CECR2: variants seen among roughly 807,000 people sequenced by gnomAD.
CECR2 encodes the protein CECR2 histone acetyl-lysine reader.
In CECR2, 30 loss-of-function variants were observed where a neutral mutation model predicts 154.5. The observed-to-expected ratio is 0.19, with a 90% confidence interval of 0.15 to 0.26. The LOEUF (loss-of-function observed/expected upper bound fraction) is 0.26, where lower values mean the gene tolerates loss of function less well. Ranked by LOEUF, CECR2 falls within the 10% of genes least tolerant of loss-of-function variation. CECR2 has a pLI of 1.00. For missense variants in CECR2, 1,743 were observed against 1,829.3 expected (o/e 0.95, Z 0.86); for synonymous variants, 725 against 683.7 (o/e 1.06, Z -0.94).
rs774915476 is a variant in CECR2, at chr22:17,548,256, C to G, written c.2969C>G (p.Thr990Ser). The change falls in exon 17 of 19, where the codon ACC becomes AGC. Residue 990 changes from threonine to serine, a missense_variant. Around this residue, in one of 4 missense-constraint regions of CECR2, gnomAD observed 1,250 missense variants for 1,192.1 expected, o/e 1.05. Coordinates refer to ENST00000262608, the MANE Select transcript of CECR2 (RefSeq NM_001290047.2). ...ACACCTCCCCTGCAGACTGACTGCA[C>G]CAGGCAGAGCTCACCACAAGAAAGG... ...HPTPPLQTDC[T>S]RQSSPQERET... 1.2e-6 allele frequency: 2 copies of G among 1,604,552 alleles called. No homozygotes were observed. Among genetic ancestry groups the G allele is most frequent in the Non-Finnish European group, 8.5e-7 (1 of 1,175,534 alleles).
Position 17,541,973 on chromosome 22 carries a change from C to A in CECR2, c.2013+6C>A. 2 of 1,610,544 alleles carry A rather than the reference C, an allele frequency of 1.2e-6. No homozygotes were observed. Among genetic ancestry groups the A allele is most frequent in the Non-Finnish European group, 1.7e-6 (2 of 1,178,380 alleles). ...GTCAGCCTTTCACCATGCAGGTAAG[C>A]AGCCTACTCTGGAGGTGCAGGTGCA... On this transcript the variant is annotated splice_donor_region_variant and intron_variant, in intron 15 of 18. Coordinates refer to ENST00000262608, the MANE Select transcript of CECR2 (RefSeq NM_001290047.2).
intron 1 of CECR2, among the ~76,000 whole-genome samples, chr22:17,430,076 A>C (rs1008087771): frequency 2.6e-5 from 4 of 152,134 alleles, no homozygotes; most frequent in Admixed American, 6.5e-5. Flanking sequence ...GGTTGATGAT[A>C]GTTTTCCTTT....
chr22:17,444,175 G>A (rs1043126775), intron 1 of CECR2, among the ~76,000 whole-genome samples: 1 of 152,150 alleles, frequency 6.6e-6, no homozygotes, highest in Non-Finnish European at 1.5e-5. Context: ...TCAGGCCCTG[G>A]TGGTTTCTTT....
intron 1 of CECR2, among the ~76,000 whole-genome samples, chr22:17,445,781 T>C (rs932630779): frequency 1.3e-5 from 2 of 151,732 alleles, no homozygotes; most frequent in African/African-American, 2.4e-5. Context: ...TTAGTAGAGA[T>C]GGGGTTTTGC....
chr22:17,396,705 A>G (rs1338075192), intron 1 of CECR2, among the ~76,000 whole-genome samples: 2 of 152,242 alleles, frequency 1.3e-5, no homozygotes, highest in South Asian at 2.1e-4. Context: ...TGTTTAGAAC[A>G]TTCCTGGTAT....
intron 1 of CECR2, among the ~76,000 whole-genome samples, chr22:17,432,104 T>C (rs1270965729): frequency 2.9e-5 from 4 of 139,544 alleles, no homozygotes; most frequent in African/African-American, 1.1e-4. Flanking sequence ...AGCCCCACTT[T>C]GTGCCTGTAT....
chr22:17,462,392 T>G (rs370445798), intron 1 of CECR2, among the ~76,000 whole-genome samples: 19 of 151,958 alleles, frequency 1.3e-4, no homozygotes, highest in African/African-American at 4.6e-4. Flanking sequence ...ATAAAGATCT[T>G]AAGATAATAC....
chr22:17,394,846 G>GT (rs887141651), intron 1 of CECR2, among the ~76,000 whole-genome samples: 8 of 151,922 alleles, frequency 5.3e-5, no homozygotes, highest in Non-Finnish European at 8.8e-5. Flanking sequence ...CCAAGTATAG[G>GT]TTTTTTTGCT....
chr22:17,405,597 G>A (rs2053971153), intron 1 of CECR2, among the ~76,000 whole-genome samples: 1 of 136,644 alleles, frequency 7.3e-6, no homozygotes, highest in South Asian at 2.3e-4. Flanking sequence ...CCGAGATCGT[G>A]CCACTGCATT....
At chr22:17,426,409 T>G (rs1601337343) in intron 1 of CECR2, among the ~76,000 whole-genome samples, 2 of 152,254 alleles carry the variant, frequency 1.3e-5, no homozygotes, top group East Asian at 3.9e-4. Context: ...CAGGCTGGAG[T>G]GCAGTGGCGC....
At chr22:17,422,188 AGTTTT>A (rs561089947) in intron 1 of CECR2, among the ~76,000 whole-genome samples, 2 of 151,500 alleles carry the variant, frequency 1.3e-5, no homozygotes, top group East Asian at 1.9e-4. Flanking sequence ...TGCTTAGAGT[AGTTTT>A]GTTTTGTTTT....
intron 1 of CECR2, among the ~76,000 whole-genome samples, chr22:17,403,490 A>G (rs2053928015): frequency 1.3e-5 from 2 of 152,238 alleles, no homozygotes; most frequent in Non-Finnish European, 1.5e-5. Context: ...CTTGTTTTCC[A>G]AAGTAAACAC....
intron 1 of CECR2, among the ~76,000 whole-genome samples, chr22:17,432,130 G>A (rs868022676): frequency 7.7e-6 from 1 of 130,098 alleles, no homozygotes; most frequent in Non-Finnish European, 1.7e-5. Flanking sequence ...TGCCCACTCT[G>A]GACATTTCCT....
intron 1 of CECR2, among the ~76,000 whole-genome samples, chr22:17,392,050 TC>T (rs1398824805): frequency 1.3e-5 from 2 of 152,164 alleles, no homozygotes; most frequent in African/African-American, 4.8e-5. Context: ...ACTCAGGTGA[TC>T]CACCTGCTTC....
intron 1 of CECR2, among the ~76,000 whole-genome samples, chr22:17,397,375 AC>A (rs1428659939): frequency 6.6e-6 from 1 of 151,856 alleles, no homozygotes; most frequent in African/African-American, 2.4e-5. Context: ...TAGGTGATCC[AC>A]CCGCCTTCGC....
chr22:17,481,199 C>T (rs1269514141), intron 2 of CECR2, among the ~76,000 whole-genome samples: 19 of 150,510 alleles, frequency 1.3e-4, no homozygotes, highest in African/African-American at 9.8e-5. Flanking sequence ...AAAAATTAGC[C>T]GGGCGTGGTG....
chr22:17,505,794 C>G (rs2055832033), intron 7 of CECR2, among the ~76,000 whole-genome samples: 1 of 148,792 alleles, frequency 6.7e-6, no homozygotes, highest in Non-Finnish European at 1.5e-5. Flanking sequence ...GCCTCAGCCT[C>G]CCAAAGTGCT....
chr22:17,517,650 G>C (rs1256812270), intron 8 of CECR2, among the ~76,000 whole-genome samples: 1 of 152,186 alleles, frequency 6.6e-6, no homozygotes, highest in East Asian at 1.9e-4. Flanking sequence ...AATGGTGAAG[G>C]TTCATACACT....
chr22:17,403,522 G>T (rs1039086802), intron 1 of CECR2, among the ~76,000 whole-genome samples: 1 of 152,170 alleles, frequency 6.6e-6, no homozygotes, highest in African/African-American at 2.4e-5. Context: ...TTCAACAGTA[G>T]TGAATAAGGG....
Sources: allele counts gnomAD v4.1 joint callset (sites outside exome capture counted in the v4.1 genomes callset), GRCh38; gene constraint gnomAD v4.1.1; regional missense constraint gnomAD v4.1.1; transcripts MANE v1.5; gene names NCBI Gene and HGNC (gene_info 2026-07-23, HGNC 2026-07-21).